Variants in CCDC102A observed in about 807,000 individuals in gnomAD.
The protein encoded by CCDC102A is coiled-coil domain containing 102A, also known as coiled-coil domain-containing protein 102A.
CCDC102A carries 40 observed loss-of-function variants against 55.5 expected under a neutral mutation model. The ratio of observed to expected loss-of-function variants is 0.72; its 90% CI spans 0.56 to 0.94. The LOEUF is 0.94. CCDC102A is among the 40% of genes least tolerant of loss of function. CCDC102A has a pLI of 0.00. For missense variants in CCDC102A, 779 were observed against 768.6 expected, an observed-to-expected ratio of 1.01 and a Z score of -0.16; for synonymous variants, 323 against 339.0, an observed-to-expected ratio of 0.95 and a Z score of 0.52.
In CCDC102A at chr16:57,529,834, T is replaced by A. The variant is rs1417917036; in HGVS notation, c.-147-510A>T. On this transcript the variant is annotated intron_variant, in intron 1 of 8. Transcript: ENST00000258214. This position sits in a 1 kb window ranked among gnomAD's most constrained non-coding sequence, Gnocchi z 4.1. ...TACCCTGTCATTTATGTGTCTGCTG[T>A]GTACCTTTAACCAAGGCTGTGAGTT... is the stretch of plus-strand genomic sequence containing the variant. Among the ~76,000 whole-genome samples, 1 of 152,228 alleles carries A rather than the reference T, an allele frequency of 6.6e-6. No homozygotes were observed. The highest frequency in any genetic ancestry group is 2.4e-5 in the African/African-American group (1 of 41,462).
At chr16:57,532,616 G>A (rs556694069) in intron 1 of CCDC102A, among the ~76,000 whole-genome samples, 1 of 151,860 alleles carries the variant, frequency 6.6e-6, no homozygotes, top group Non-Finnish European at 1.5e-5. Context: ...ACACAGACAC[G>A]CCTGAAGACA....
In CCDC102A at chr16:57,524,323, C is replaced by T. The variant is rs547720462; in HGVS notation, c.812+1578G>A. 9.6e-3 allele frequency among the ~76,000 whole-genome samples: 1,460 copies of T among 151,856 alleles called. 24 individuals are homozygous for T. Among genetic ancestry groups the T allele is most frequent in the African/African-American group, 0.034 (1,384 of 41,254 alleles). On this transcript the variant is annotated intron_variant, in intron 3 of 8. Coordinates refer to ENST00000258214, the MANE Select transcript of CCDC102A (RefSeq NM_033212.4). ...GTGCAGCAGGAGAGAGGTACTTGTC[C>T]GGGGATGCTCAGTGCTCTGGAACCC...
chr16:57,525,933 A>C lies in CCDC102A; in HGVS notation c.780T>G (p.Asp260Glu), dbSNP rs1455477131. ...SKLTALRLRL[D>E]ESQKVLLKER... ...CCTTGAGCAGCACCTTCTGGGACTC[A>C]TCCAGCCGTAGCCGCAGGGCGGTCA... The change falls in exon 3 of 9, where the codon GAT (aspartate) becomes GAG (glutamate). Residue 260 changes from aspartate (D) to glutamate (E), a missense_variant. By Grantham distance (45) the Asp-to-Glu change is conservative. Transcript: ENST00000258214. 4.3e-6 allele frequency: 7 copies of C among 1,612,128 alleles called. No homozygotes were observed. In the Admixed American group the frequency reaches 8.4e-5, roughly 19 times the overall value.
Position 57,528,946 on chromosome 16 carries a change from G to A in CCDC102A, c.232C>T (p.Arg78Trp). 2 of 1,384,856 alleles carry A rather than the reference G, an allele frequency of 1.4e-6. No homozygotes were observed. Among genetic ancestry groups the A allele is most frequent in the South Asian group, 1.3e-5 (1 of 78,834 alleles). The allele number at this position is 1,384,856 out of a possible 1,614,324, so 85.8% of individuals were successfully genotyped here. Residue 78 changes from arginine to tryptophan, a missense_variant, in exon 2 of 9, where the codon CGG becomes TGG. Arg to Trp is a moderately radical substitution (Grantham distance 101). Transcript: ENST00000258214. ...CGCGCCCGCGCCTCCTCCAGCTCCCGCAGCCGCAGCTCCTCGCGGCTCTCC... is the reference window on the plus strand; with the variant it reads ...CGCGCCCGCGCCTCCTCCAGCTCCCACAGCCGCAGCTCCTCGCGGCTCTCC... ...DWESREELRLRELEEARARAA... is the reference protein window; with the variant it reads ...DWESREELRLWELEEARARAA...
chr16:57,531,482 C>A, intron 1 of CCDC102A, among the ~76,000 whole-genome samples: 1 of 152,004 alleles, frequency 6.6e-6, no homozygotes, highest in East Asian at 1.9e-4. Context: ...AGTACCCACA[C>A]CCACCTCCCT....
chr16:57,526,132 G>A lies in CCDC102A; in HGVS notation c.586-5C>T, dbSNP rs375922499. On this transcript the variant is annotated splice_region_variant and splice_polypyrimidine_tract_variant and intron_variant, in intron 2 of 8. Coordinates refer to ENST00000258214, the MANE Select transcript of CCDC102A (RefSeq NM_033212.4). The stretch of plus-strand genomic sequence containing the variant: ...GCTCTCCACCAGCTCCAGTTCCTGC[G>A]GGGACCAAGGTGGAGGCTGGACCAG... The A allele has an allele frequency of 7.2e-6, 11 of 1,530,794 alleles. No homozygotes were observed. The highest frequency in any genetic ancestry group is 4.8e-5 in the East Asian group (2 of 41,718). 94.8% of individuals were successfully genotyped at this position (1,530,794 alleles called of 1,614,324 possible).
At chr16:57,532,470 A>T (rs1455846412) in intron 1 of CCDC102A, among the ~76,000 whole-genome samples, 1 of 152,164 alleles carries the variant, frequency 6.6e-6, no homozygotes, top group Non-Finnish European at 1.5e-5. Flanking sequence ...GCCCATGTGC[A>T]TTCACAAACA....
At chr16:57,530,278 G>A (rs1444732516) in intron 1 of CCDC102A, among the ~76,000 whole-genome samples, 1 of 152,092 alleles carries the variant, frequency 6.6e-6, no homozygotes, top group East Asian at 1.9e-4. Context: ...CCATTTATGG[G>A]CCATGCCCCC....
intron 3 of CCDC102A, among the ~76,000 whole-genome samples, chr16:57,524,596 TAGAG>T (rs141666031): frequency 5.4e-5 from 8 of 148,754 alleles, no homozygotes; most frequent in East Asian, 2.1e-4. Context: ...TATATATATA[TAGAG>T]AGAGAGACAG....
Position 57,516,389 on chromosome 16 carries a change from A to T in CCDC102A, c.1323T>A (p.His441Gln). ...CGTGCTGCTCCACCCGCCGGTTGGC[A>T]TGTGCCAGCTCTGCCACCTTCTCCT... is the stretch of plus-strand genomic sequence containing the variant. ...QFQEKVAELAHANRRVEQHEA... is the reference protein window; with the variant it reads ...QFQEKVAELAQANRRVEQHEA... The change falls in exon 7 of 9, where the codon CAT (histidine) becomes CAA (glutamine). Residue 441 changes from histidine (H) to glutamine (Q), a missense_variant. His to Gln is a conservative substitution (Grantham distance 24, BLOSUM62 0). Transcript: ENST00000258214. This position sits in a 1 kb window ranked among gnomAD's most constrained non-coding sequence, Gnocchi z 4.4. 1 of 1,609,880 alleles carries T rather than the reference A, an allele frequency of 6.2e-7. No homozygotes were observed. The highest frequency in any genetic ancestry group is 1.3e-5 in the African/African-American group (1 of 75,042).
intron 3 of CCDC102A, among the ~76,000 whole-genome samples, chr16:57,524,215 C>A (rs61595675): frequency 6.6e-6 from 1 of 151,860 alleles, no homozygotes; most frequent in Non-Finnish European, 1.5e-5. Context: ...GACAGCCCTT[C>A]GAGAAGAACA....
chr16:57,533,672 TCACA>T (rs1215349849), intron 1 of CCDC102A, among the ~76,000 whole-genome samples: 2 of 146,284 alleles, frequency 1.4e-5, no homozygotes, highest in African/African-American at 5.2e-5. Context: ...GGACCTGCAC[TCACA>T]CACAGCCCCA....
At position 57,523,515 on chromosome 16, in the gene CCDC102A, C is replaced by G. The variant is rs547942615; in HGVS notation, c.813-2339G>C. Among the ~76,000 whole-genome samples, 69 of 152,028 alleles carry G rather than the reference C, an allele frequency of 4.5e-4. 1 individual carries two copies. Among genetic ancestry groups the G allele is most frequent in the African/African-American group, 1.6e-3 (66 of 41,470 alleles). ...TTGAGACAGCGTCTCTCTCTGTCAC[C>G]TAGGCTGGAGGGTACTGGTGCATTC... is the stretch of plus-strand genomic sequence containing the variant. On this transcript the variant is annotated intron_variant, in intron 3 of 8. Transcript: ENST00000258214.
chr16:57,515,479 C>T, intron 7 of CCDC102A, 35 bp from the exon 8 acceptor site: 2 of 1,452,488 alleles, frequency 1.4e-6, no homozygotes. Context: ...GCACGAGGGT[C>T]ACCCAGGGCT....
chr16:57,526,285 C>T (rs189055690), intron 2 of CCDC102A, among the ~76,000 whole-genome samples, 158 bp from the exon 3 acceptor site: 1 of 152,364 alleles, frequency 6.6e-6, no homozygotes, highest in Non-Finnish European at 1.5e-5. Context: ...AAGGAAGACA[C>T]ACCCTGCTCT....
In CCDC102A at chr16:57,523,168, C is replaced by CA. The variant is rs766477645; in HGVS notation, c.813-1993dup. On this transcript the variant is annotated intron_variant, in intron 3 of 8. Coordinates refer to ENST00000258214, the MANE Select transcript of CCDC102A (RefSeq NM_033212.4). ...GGGCAACAGAGCGAGACTCTGTCTC[C>CA]AAAAAAAAAAAAAGTTACTTTCACT... 3.7e-3 allele frequency among the ~76,000 whole-genome samples: 507 copies of CA among 135,332 alleles called. 3 individuals carry two copies. Among genetic ancestry groups the CA allele is most frequent in the African/African-American group, 0.01 (385 of 37,090 alleles). The allele number at this position is 135,332 out of a possible 152,430, so 88.8% of individuals were successfully genotyped here. A position where few individuals can be genotyped will look rare whatever the true frequency, so the allele number is the denominator to read the frequency against.
chr16:57,525,958 A>C lies in CCDC102A; in HGVS notation c.755T>G (p.Leu252Trp). The C allele has an allele frequency of 6.2e-7, 1 of 1,612,300 alleles. No homozygotes were observed. Among genetic ancestry groups the C allele is most frequent in the Non-Finnish European group, 8.5e-7 (1 of 1,179,272 alleles). ...ATCCAGCCGTAGCCGCAGGGCGGTCAACTTGGAGGCCTCCTCCTCCGTGGC... is the reference window on the plus strand; with the variant it reads ...ATCCAGCCGTAGCCGCAGGGCGGTCCACTTGGAGGCCTCCTCCTCCGTGGC... ...TAATEEEASK[L>W]TALRLRLDES... Residue 252 changes from leucine to tryptophan, a missense_variant, in exon 3 of 9, where the codon TTG becomes TGG. Leu to Trp is a moderately conservative substitution (Grantham distance 61, BLOSUM62 -2). Transcript: ENST00000258214.
intron 1 of CCDC102A, among the ~76,000 whole-genome samples, chr16:57,532,598 G>C (rs1351461358): frequency 1.3e-5 from 2 of 152,102 alleles, no homozygotes; most frequent in Non-Finnish European, 2.9e-5. Context: ...AGAGACATTT[G>C]CCTGTAGACA....
Position 57,528,940 on chromosome 16 carries a change from G to T in CCDC102A, c.238C>A (p.Leu80Met). The T allele has an allele frequency of 7.2e-7, 1 of 1,391,080 alleles. No individual in the cohort carries two copies. The allele number at this position is 1,391,080 out of a possible 1,614,324, so 86.2% of individuals were successfully genotyped here. The change falls in exon 2 of 9, where the codon CTG becomes ATG. Residue 80 changes from leucine (L) to methionine (M), a missense_variant. Coordinates refer to ENST00000258214, the MANE Select transcript of CCDC102A (RefSeq NM_033212.4). ...GCCGCCCGCGCCCGCGCCTCCTCCAGCTCCCGCAGCCGCAGCTCCTCGCGG... is the reference window on the plus strand; with the variant it reads ...GCCGCCCGCGCCCGCGCCTCCTCCATCTCCCGCAGCCGCAGCTCCTCGCGG... ...ESREELRLRE[L>M]EEARARAAQM...
Sources: allele counts gnomAD v4.1 joint callset (sites outside exome capture counted in the v4.1 genomes callset), GRCh38; gene constraint gnomAD v4.1.1; non-coding constraint Gnocchi (gnomAD v3.1); transcripts MANE v1.5; gene names NCBI Gene and HGNC (gene_info 2026-07-23, HGNC 2026-07-21).